SPRY4: variants seen among roughly 807,000 people sequenced by gnomAD.
The protein encoded by SPRY4 is sprouty RTK signaling antagonist 4.
Under a neutral mutation model 17.0 loss-of-function variants are expected in SPRY4, and 7 were observed. The observed-to-expected ratio is 0.41, with a 90% CI of 0.23 to 0.77. The LOEUF (loss-of-function observed/expected upper bound fraction) is 0.77, where lower values mean the gene tolerates loss of function less well. Among genes scored for constraint, SPRY4 ranks in the 30% least tolerant of loss-of-function variants. SPRY4 has a pLI of 0.32. For missense variants in SPRY4, 435 were observed against 419.9 expected (o/e 1.04, Z -0.31); for synonymous variants, 183 against 174.1 (o/e 1.05, Z -0.40).
At chr5:142,317,895 C>T in intron 1 of SPRY4, 1 of 985,386 alleles carries the variant, frequency 1.0e-6, no homozygotes, top group Non-Finnish European at 1.2e-6. Flanking sequence ...GGGAGCTTGG[C>T]CCACGATGAC....
chr5:142,316,618 T>C (rs1759162170), intron 1 of SPRY4, among the ~76,000 whole-genome samples: 1 of 152,212 alleles, frequency 6.6e-6, no homozygotes, highest in East Asian at 1.9e-4. Flanking sequence ...TAAATGCTTT[T>C]GCATTTACTA....
rs562652381 is a variant in SPRY4, at chr5:142,312,138, C to T, written c.*2071G>A. On this transcript the variant is annotated 3_prime_UTR_variant, in exon 2 of 2. Transcript: ENST00000434127. ...GATGTGCACTATCAATTTTGGGGCC[C>T]CCTCATCTGAGGAAAACCATCTCCA... The T allele has an allele frequency of 6.6e-6, 1 of 152,458 alleles. No individual in the cohort carries two copies. The highest frequency in any genetic ancestry group is 6.6e-5 in the Admixed American group (1 of 15,248). The allele number at this position is 152,458 out of a possible 1,614,324, so 9.4% of individuals were successfully genotyped here. A position where few individuals can be genotyped will look rare whatever the true frequency, so the allele number is the denominator to read the frequency against.
intron 1 of SPRY4, chr5:142,317,309 G>A (rs1036184330): frequency 1.0e-6 from 1 of 985,330 alleles, no homozygotes; most frequent in African/African-American, 1.7e-5. Context: ...AGAGGCCAGG[G>A]TTAGGAGCCC....
intron 1 of SPRY4, among the ~76,000 whole-genome samples, chr5:142,321,865 G>C (rs1185835222): frequency 6.6e-6 from 1 of 152,216 alleles, no homozygotes; most frequent in African/African-American, 2.4e-5. Context: ...AAATCTTGGA[G>C]CTAGAAGATG....
chr5:142,322,472 G>GAAAAA (rs560148371), intron 1 of SPRY4, among the ~76,000 whole-genome samples: 29 of 135,324 alleles, frequency 2.1e-4, no homozygotes, highest in East Asian at 1.1e-3. Context: ...CTCGTCTCAA[G>GAAAAA]AAAAAAAAAA....
chr5:142,322,548 C>T (rs1759382712), intron 1 of SPRY4, among the ~76,000 whole-genome samples: 1 of 151,658 alleles, frequency 6.6e-6, no homozygotes, highest in Admixed American at 6.6e-5. Flanking sequence ...CTGTCCACAG[C>T]CTCTGCCCTA....
At chr5:142,322,855 C>T (rs1234746613) in intron 1 of SPRY4, among the ~76,000 whole-genome samples, 1 of 152,206 alleles carries the variant, frequency 6.6e-6, no homozygotes, top group Non-Finnish European at 1.5e-5. Context: ...CTGTTCACCA[C>T]ATTAGGATTT....
Position 142,316,598 on chromosome 5 carries a change from G to T in SPRY4, c.-47-1443C>A, listed in dbSNP as rs540602339. Among the ~76,000 whole-genome samples, 5 of 152,246 alleles carry T rather than the reference G, an allele frequency of 3.3e-5. No homozygotes were observed. In the East Asian group the frequency reaches 9.7e-4, roughly 29 times the overall value. ...CCATTGCATTAATGTATTATGGGGT[G>T]GGGTTTTAGTAAATGCTTTTGCATT... On this transcript the variant is annotated intron_variant, in intron 1 of 1. Coordinates refer to ENST00000434127, the MANE Select transcript of SPRY4 (RefSeq NM_001127496.3).
chr5:142,318,826 C>T (rs185158833), intron 1 of SPRY4, among the ~76,000 whole-genome samples: 1 of 152,256 alleles, frequency 6.6e-6, no homozygotes, highest in Admixed American at 6.5e-5. Context: ...AGGGAAGGGA[C>T]TTTTACCTCC....
chr5:142,318,496 AAAAG>A (rs1032494800), intron 1 of SPRY4, among the ~76,000 whole-genome samples: 11 of 152,192 alleles, frequency 7.2e-5, no homozygotes, highest in East Asian at 3.9e-4. Flanking sequence ...AAGAAAAAAA[AAAAG>A]AAAGAAAGAA....
At chr5:142,318,798 C>G (rs906812406) in intron 1 of SPRY4, among the ~76,000 whole-genome samples, 1 of 152,016 alleles carries the variant, frequency 6.6e-6, no homozygotes, top group African/African-American at 2.4e-5. Context: ...TTAGGTGGTA[C>G]TCTTACGAAC....
In SPRY4 at chr5:142,322,483, A is replaced by AATATAT. The variant is rs751790052; in HGVS notation, c.-48+2355_-48+2360dup. ...AAGACTCGTCTCAAGAAAAAAAAAA[A>AATATAT]ATATATATATATATATATAAATGAA... On this transcript the variant is annotated intron_variant, in intron 1 of 1. Coordinates refer to ENST00000434127, the MANE Select transcript of SPRY4 (RefSeq NM_001127496.3). Among the ~76,000 whole-genome samples the AATATAT allele has an allele frequency of 2.5e-3, 296 of 117,534 alleles. 1 individual carries two copies. Among genetic ancestry groups the AATATAT allele is most frequent in the East Asian group, 0.024 (66 of 2,702 alleles). 77.1% of individuals were successfully genotyped at this position (117,534 alleles called of 152,430 possible). A position where few individuals can be genotyped will look rare whatever the true frequency, so the allele number is the denominator to read the frequency against.
At position 142,313,283 on chromosome 5, in the gene SPRY4, T is replaced by C. The variant is rs1758994145; in HGVS notation, c.*926A>G. On this transcript the variant is annotated 3_prime_UTR_variant, in exon 2 of 2. Coordinates refer to ENST00000434127, the MANE Select transcript of SPRY4 (RefSeq NM_001127496.3). ...GTTAGCATCCGGTTTAATTATTCTA[T>C]AAAAACATAATGACTGGATCCAGAG... is the stretch of plus-strand genomic sequence containing the variant. 6.6e-6 allele frequency: 1 copy of C among 152,584 alleles called. No individual in the cohort carries two copies. The highest frequency in any genetic ancestry group is 6.5e-5 in the Admixed American group (1 of 15,276). The allele number at this position is 152,584 out of a possible 1,614,324, so 9.5% of individuals were successfully genotyped here. A position where few individuals can be genotyped will look rare whatever the true frequency, so the allele number is the denominator to read the frequency against.
rs1448066086 is a variant in SPRY4, at chr5:142,314,057, G to T, written c.*152C>A. The T allele has an allele frequency of 1.7e-5, 13 of 757,372 alleles. No homozygotes were observed. Among genetic ancestry groups the T allele is most frequent in the Non-Finnish European group, 1.9e-5 (9 of 480,558 alleles). The allele number at this position is 757,372 out of a possible 1,614,324, so 46.9% of individuals were successfully genotyped here. On this transcript the variant is annotated 3_prime_UTR_variant, in exon 2 of 2. Transcript: ENST00000434127. This position sits in a 1 kb window ranked among gnomAD's most constrained non-coding sequence, Gnocchi z 4.8. The stretch of plus-strand genomic sequence containing the variant: ...GGGGAATACAGGGTACGTGGTGGTG[G>T]TCTCTGTATTTTCCGAAGCTGGGGG...
intron 1 of SPRY4, chr5:142,324,462 GC>G (rs1438196888): frequency 6.6e-6 from 1 of 152,306 alleles, no homozygotes; most frequent in Non-Finnish European, 1.5e-5. Context: ...CCAAACGGTG[GC>G]TCCTGACCAA....
intron 1 of SPRY4, among the ~76,000 whole-genome samples, chr5:142,316,119 A>G (rs2126991351): frequency 6.6e-6 from 1 of 152,288 alleles, no homozygotes; most frequent in Admixed American, 6.5e-5. Flanking sequence ...CACTCACATC[A>G]CCCATTTCCA....
intron 1 of SPRY4, chr5:142,319,670 C>A (rs999361941): frequency 6.4e-7 from 1 of 1,561,614 alleles, no homozygotes. Context: ...CCAGAACACG[C>A]GCAACACTGT....
At chr5:142,317,958 A>G in intron 1 of SPRY4, 1 of 985,316 alleles carries the variant, frequency 1.0e-6, no homozygotes, top group Non-Finnish European at 1.2e-6. Context: ...GCATATTCTA[A>G]AATGTATCTT....
rs139512218 is a variant in SPRY4, at chr5:142,314,456, G to A, written c.653C>T (p.Ser218Phe). 1 of 1,614,050 alleles carries A rather than the reference G, an allele frequency of 6.2e-7. No individual in the cohort carries two copies. The highest frequency in any genetic ancestry group is 1.7e-5 in the Admixed American group (1 of 60,012). ...GCAGGAGCAGGGGTGGTCAGCGCAG[G>A]AGCCCTCATCGTCCTCATTCGTGCA... ...YHCTNEDDEG[S>F]CADHPCSCSR... The change falls in exon 2 of 2, where the codon TCC becomes TTC. Residue 218 changes from serine (S) to phenylalanine (F), a missense_variant. Physicochemically the swap from Ser to Phe is radical, Grantham distance 155 (BLOSUM62 -2). Transcript: ENST00000434127. This position sits in a 1 kb window ranked among gnomAD's most constrained non-coding sequence, Gnocchi z 4.8.
Sources: gnomAD v4.1 joint callset for allele counts (sites outside exome capture counted in the v4.1 genomes callset) on GRCh38, gnomAD v4.1.1 for gene constraint, Gnocchi (gnomAD v3.1) non-coding constraint, MANE v1.5 for transcripts, NCBI Gene and HGNC (gene_info 2026-07-23, HGNC 2026-07-21) for gene names.